The following CALN1 variants were observed in gnomAD, a reference collection of about 807,000 sequenced individuals.
CALN1 encodes calneuron 1, also known as calcium-binding protein 8.
Under a neutral mutation model 30.6 loss-of-function variants are expected in CALN1, and 17 were observed. The ratio of observed to expected loss-of-function variants is 0.56; its 90% CI spans 0.38 to 0.83. CALN1 has a LOEUF of 0.83. Ranked by LOEUF, CALN1 falls within the 40% of genes least tolerant of loss-of-function variation. The pLI is 0.00. For synonymous variants in CALN1, 156 were observed against 131.4 expected, an observed-to-expected ratio of 1.19 and a Z score of -1.28; for missense variants, 291 against 354.9, an observed-to-expected ratio of 0.82 and a Z score of 1.45.
the CALN1 span, among the ~76,000 whole-genome samples, chr7:72,479,027 G>A: frequency 2.0e-5 from 3 of 151,696 alleles, no homozygotes; most frequent in Non-Finnish European, 4.4e-5. Context: ...GACTACAGGC[G>A]GGTGCCACCA....
chr7:72,476,342 A>G, the CALN1 span, among the ~76,000 whole-genome samples: 1 of 152,096 alleles, frequency 6.6e-6, no homozygotes, highest in Non-Finnish European at 1.5e-5. Flanking sequence ...CTCCCCAGCC[A>G]TGCTAAACTG....
At chr7:71,972,574 G>A (rs566211136) in intron 5 of CALN1, among the ~76,000 whole-genome samples, 8 of 152,236 alleles carry the variant, frequency 5.3e-5, no homozygotes, top group Admixed American at 2.0e-4. Context: ...GTATTTTGTC[G>A]CAAGTGATAA....
chr7:72,163,534 G>T (rs570621165), intron 3 of CALN1, among the ~76,000 whole-genome samples: 1 of 152,170 alleles, frequency 6.6e-6, no homozygotes, highest in South Asian at 2.1e-4. Context: ...AAGACTCAGA[G>T]GAAAATATGT....
chr7:72,067,041 G>A (rs560330538), intron 4 of CALN1, among the ~76,000 whole-genome samples: 1 of 150,982 alleles, frequency 6.6e-6, no homozygotes, highest in Non-Finnish European at 1.5e-5. Context: ...CACCCACCTC[G>A]GCCTCCCAAA....
At chr7:72,433,436 T>C (rs1402905120) in intron 1 of CALN1, among the ~76,000 whole-genome samples, 1 of 152,142 alleles carries the variant, frequency 6.6e-6, no homozygotes, top group Non-Finnish European at 1.5e-5. Flanking sequence ...CCTGAGTTTT[T>C]CAGTTCGCCA....
intron 2 of CALN1, among the ~76,000 whole-genome samples, chr7:72,376,959 G>T (rs1804596724): frequency 6.6e-6 from 1 of 152,150 alleles, no homozygotes; most frequent in Admixed American, 6.5e-5. Flanking sequence ...TTCCTCCATT[G>T]AATGGCCTTG....
At chr7:72,314,256 G>A (rs1475036013) in intron 2 of CALN1, among the ~76,000 whole-genome samples, 1 of 152,050 alleles carries the variant, frequency 6.6e-6, no homozygotes, top group Non-Finnish European at 1.5e-5. Context: ...CACTTTCCCA[G>A]GGCAGCAAGG....
Position 72,336,738 on chromosome 7 carries a change from C to T in CALN1, c.120-57928G>A, listed in dbSNP as rs1293863575. On this transcript the variant is annotated intron_variant, in intron 2 of 6. Transcript: ENST00000395275. ...GGCCGGGGCTCCGCAGCCCGGCAGC[C>T]GAGGCGCCTCCGCACAGCGCGGGGG... 4.1e-6 allele frequency: 4 copies of T among 985,376 alleles called. No individual in the cohort carries two copies. The African/African-American group carries it at 7.0e-5, about 17-fold the overall frequency. The allele number at this position is 985,376 out of a possible 1,614,324, so 61.0% of individuals were successfully genotyped here. A position where few individuals can be genotyped will look rare whatever the true frequency, so the allele number is the denominator to read the frequency against.
At chr7:72,111,753 CTT>C (rs34426806) in intron 3 of CALN1, among the ~76,000 whole-genome samples, 1 of 145,102 alleles carries the variant, frequency 6.9e-6, no homozygotes. Context: ...TTTTTTCTTT[CTT>C]TTTTTTTTTG....
At chr7:72,016,525 C>T (rs1800388296) in intron 5 of CALN1, among the ~76,000 whole-genome samples, 1 of 151,762 alleles carries the variant, frequency 6.6e-6, no homozygotes, top group Non-Finnish European at 1.5e-5. Context: ...CAGCCTCAAC[C>T]TCCTGGGCTC....
intron 5 of CALN1, among the ~76,000 whole-genome samples, chr7:71,995,061 T>C (rs844740): frequency 0.19 from 28,359 of 152,020 alleles, 4,540 homozygotes; most frequent in African/African-American, 0.43. Flanking sequence ...ACCGTGGTAG[T>C]CAGGATGGTC....
chr7:71,923,579 G>A (rs754436265), intron 5 of CALN1, among the ~76,000 whole-genome samples: 3 of 152,040 alleles, frequency 2.0e-5, no homozygotes, highest in Non-Finnish European at 4.4e-5. Flanking sequence ...TTTTCCCGGT[G>A]CATTCTTGTG....
In CALN1 at chr7:71,779,721, C is replaced by A. The variant is rs1404639092; in HGVS notation, c.*8054G>T. 1 of 151,998 alleles carries A rather than the reference C, an allele frequency of 6.6e-6. No homozygotes were observed. Among genetic ancestry groups the A allele is most frequent in the African/African-American group, 2.4e-5 (1 of 41,380 alleles). 9.4% of individuals were successfully genotyped at this position (151,998 alleles called of 1,614,324 possible). On this transcript the variant is annotated 3_prime_UTR_variant, in exon 7 of 7. Coordinates refer to ENST00000395275, the MANE Select transcript of CALN1 (RefSeq NM_031468.4). ...AATATGTACATTTTATATAAAGATT[C>A]TTTTTTGACTAGTCTGCTGACTTTC...
At chr7:72,387,000 C>A (rs567551086) in intron 2 of CALN1, among the ~76,000 whole-genome samples, 58 of 151,318 alleles carry the variant, frequency 3.8e-4, no homozygotes, top group African/African-American at 1.3e-3. Flanking sequence ...TAGCAATACA[C>A]AAGATGAGCC....
intron 5 of CALN1, among the ~76,000 whole-genome samples, chr7:71,895,006 G>C (rs915893070): frequency 5.3e-5 from 8 of 152,172 alleles, no homozygotes; most frequent in African/African-American, 1.9e-4. Context: ...CCAGTCTGGA[G>C]TGCAGTGATG....
At chr7:72,234,559 G>A (rs1209918838) in intron 3 of CALN1, among the ~76,000 whole-genome samples, 1 of 152,110 alleles carries the variant, frequency 6.6e-6, no homozygotes, top group Non-Finnish European at 1.5e-5. Flanking sequence ...TGATTCTTCT[G>A]CCTCAGCCTC....
chr7:72,081,433 G>GTGTGTGTCT (rs367954300), intron 4 of CALN1, among the ~76,000 whole-genome samples: 1 of 136,884 alleles, frequency 7.3e-6, no homozygotes, highest in South Asian at 2.5e-4. Context: ...GTTTGTTTTT[G>GTGTGTGTCT]GTGTGTGTGT....
intron 5 of CALN1, among the ~76,000 whole-genome samples, chr7:72,006,702 G>A (rs971784794): frequency 2.0e-5 from 3 of 152,032 alleles, no homozygotes; most frequent in Non-Finnish European, 2.9e-5. Context: ...GGACCACGAA[G>A]GCTATTTATA....
chr7:72,475,053 A>G, the CALN1 span, among the ~76,000 whole-genome samples: 1 of 152,180 alleles, frequency 6.6e-6, no homozygotes, highest in Non-Finnish European at 1.5e-5. Flanking sequence ...CATTCTTCCC[A>G]ATGACTGGGT....
Sources: gnomAD v4.1 joint callset for allele counts (sites outside exome capture counted in the v4.1 genomes callset) on GRCh38, gnomAD v4.1.1 for gene constraint, MANE v1.5 for transcripts, NCBI Gene and HGNC (gene_info 2026-07-23, HGNC 2026-07-21) for gene names.